PTPRG: variants seen among roughly 807,000 people sequenced by gnomAD.
The protein encoded by PTPRG is protein tyrosine phosphatase receptor type G.
PTPRG carries 102 observed loss-of-function variants against 165.3 expected under a neutral mutation model. The ratio of observed to expected loss-of-function variants is 0.62; its 90% CI spans 0.53 to 0.73. PTPRG has a LOEUF of 0.73. Among genes scored for constraint, PTPRG ranks in the 30% least tolerant of loss-of-function variants. The pLI is 0.00. For missense variants in PTPRG, 1,866 were observed against 1,861.4 expected (o/e 1.00, Z -0.05); for synonymous variants, 675 against 669.5 (o/e 1.01, Z -0.13).
chr3:61,583,510 T>C (rs1220613707), intron 1 of PTPRG, among the ~76,000 whole-genome samples: 1 of 152,200 alleles, frequency 6.6e-6, no homozygotes, highest in East Asian at 1.9e-4. Flanking sequence ...ATTGTTGTTT[T>C]TATTGTACTG....
intron 2 of PTPRG, among the ~76,000 whole-genome samples, chr3:61,765,944 G>C (rs2034002181): frequency 6.6e-6 from 1 of 152,116 alleles, no homozygotes; most frequent in Non-Finnish European, 1.5e-5. Flanking sequence ...GATTCATGTG[G>C]TCACCGCTTC....
At position 61,587,685 on chromosome 3, in the gene PTPRG, C is replaced by G. The variant is rs72888678; in HGVS notation, c.85+25313C>G. On this transcript the variant is annotated intron_variant, in intron 1 of 29. Coordinates refer to ENST00000474889, the MANE Select transcript of PTPRG (RefSeq NM_002841.4). ...TTTATTATTTTTTTTAAGACAGGGT[C>G]TTACTTTGTCATCCAGGCTGGAGTC... Among the ~76,000 whole-genome samples the G allele has an allele frequency of 9.9e-3, 1,508 of 152,166 alleles. 20 individuals carry two copies. The highest frequency in any genetic ancestry group is 0.034 in the African/African-American group (1,430 of 41,504).
chr3:62,231,339 G>A (rs1189764845), intron 14 of PTPRG, 28 bp downstream of exon 14: 1 of 1,519,938 alleles, frequency 6.6e-7, no homozygotes, highest in East Asian at 2.5e-5. Flanking sequence ...TTAAGTGGGG[G>A]GCGTCTTGAT....
chr3:62,215,672 A>G (rs2106876502), intron 12 of PTPRG, among the ~76,000 whole-genome samples: 1 of 151,452 alleles, frequency 6.6e-6, no homozygotes, highest in South Asian at 2.1e-4. Context: ...TGTCTTCAGG[A>G]CCTTCATTCT....
chr3:62,194,567 CA>C (rs1699914191), intron 9 of PTPRG, among the ~76,000 whole-genome samples: 1 of 152,176 alleles, frequency 6.6e-6, no homozygotes, highest in Non-Finnish European at 1.5e-5. Context: ...CCTGCAATCC[CA>C]GCATTTTGAG....
intron 1 of PTPRG, among the ~76,000 whole-genome samples, chr3:61,587,477 A>G (rs1439619456): frequency 3.3e-5 from 5 of 152,016 alleles, no homozygotes; most frequent in Admixed American, 6.6e-5. Flanking sequence ...AGACTTGAAG[A>G]TGTGTTTCCT....
At chr3:61,609,550 T>C (rs897252484) in intron 1 of PTPRG, among the ~76,000 whole-genome samples, 1 of 152,238 alleles carries the variant, frequency 6.6e-6, no homozygotes, top group Non-Finnish European at 1.5e-5. Context: ...CAGATGTTTC[T>C]TTCTTTTTTT....
At chr3:62,097,520 T>G (rs1214055556) in intron 5 of PTPRG, among the ~76,000 whole-genome samples, 1 of 148,600 alleles carries the variant, frequency 6.7e-6, no homozygotes, top group East Asian at 2.1e-4. Context: ...GGCATATTTT[T>G]GGGGGCAAGA....
At chr3:61,656,045 C>G (rs1447971590) in intron 1 of PTPRG, among the ~76,000 whole-genome samples, 2 of 150,776 alleles carry the variant, frequency 1.3e-5, no homozygotes, top group African/African-American at 2.4e-5. Context: ...CAAGACCCCC[C>G]CCCCCCCGAC....
At chr3:61,979,457 A>C (rs1210303501) in intron 2 of PTPRG, among the ~76,000 whole-genome samples, 2 of 152,204 alleles carry the variant, frequency 1.3e-5, no homozygotes, top group African/African-American at 4.8e-5. Context: ...TGGGCCTTGC[A>C]CTAGGAAGAG....
chr3:62,058,334 T>C (rs1464643199), intron 4 of PTPRG, among the ~76,000 whole-genome samples: 2 of 151,886 alleles, frequency 1.3e-5, no homozygotes, highest in Non-Finnish European at 2.9e-5. Flanking sequence ...CACTTATTTA[T>C]TATTATTATT....
At chr3:61,572,711 G>A (rs183253288) in intron 1 of PTPRG, among the ~76,000 whole-genome samples, 2 of 152,242 alleles carry the variant, frequency 1.3e-5, no homozygotes, top group East Asian at 3.9e-4. Context: ...GGTTACTCTT[G>A]AAAAATAGGA....
intron 2 of PTPRG, among the ~76,000 whole-genome samples, chr3:61,838,693 T>A (rs2036538036): frequency 6.6e-6 from 1 of 152,230 alleles, no homozygotes; most frequent in Non-Finnish European, 1.5e-5. Flanking sequence ...AATAACACTG[T>A]AATGTTCCAT....
At chr3:62,046,649 C>T (rs1700301912) in intron 4 of PTPRG, among the ~76,000 whole-genome samples, 3 of 152,140 alleles carry the variant, frequency 2.0e-5, no homozygotes, top group South Asian at 2.1e-4. Flanking sequence ...TGTCTCTCAT[C>T]ATTAGGTGCT....
intron 2 of PTPRG, among the ~76,000 whole-genome samples, chr3:61,816,239 C>A (rs532132158): frequency 1.7e-4 from 26 of 152,046 alleles, no homozygotes; most frequent in Admixed American, 4.6e-4. Context: ...TTTCAAAAAC[C>A]CAGAAAAAGG....
intron 15 of PTPRG, among the ~76,000 whole-genome samples, chr3:62,246,936 CATT>C (rs1381099235): frequency 6.6e-6 from 1 of 152,054 alleles, no homozygotes; most frequent in Non-Finnish European, 1.5e-5. Flanking sequence ...TAAACTGAAT[CATT>C]ATACTGGCTA....
At chr3:61,947,372 AGGAAG>A (rs2039785690) in intron 2 of PTPRG, among the ~76,000 whole-genome samples, 2 of 152,252 alleles carry the variant, frequency 1.3e-5, no homozygotes, top group Admixed American at 1.3e-4. Flanking sequence ...ACGTGACATA[AGGAAG>A]GGTTCATTTC....
At chr3:62,133,631 A>T (rs1353316557) in intron 6 of PTPRG, among the ~76,000 whole-genome samples, 1 of 152,216 alleles carries the variant, frequency 6.6e-6, no homozygotes, top group Non-Finnish European at 1.5e-5. Flanking sequence ...TAACAATAGT[A>T]AACCTACTCA....
chr3:61,580,247 G>T (rs1214291114), intron 1 of PTPRG, among the ~76,000 whole-genome samples: 1 of 152,138 alleles, frequency 6.6e-6, no homozygotes, highest in African/African-American at 2.4e-5. Flanking sequence ...TTTGCAGCCA[G>T]TCTGGGCAAC....
Sources: allele counts gnomAD v4.1 joint callset (sites outside exome capture counted in the v4.1 genomes callset), GRCh38; gene constraint gnomAD v4.1.1; transcripts MANE v1.5; gene names NCBI Gene and HGNC (gene_info 2026-07-23, HGNC 2026-07-21).